The following NLN variants were observed in gnomAD, a reference collection of about 807,000 sequenced individuals.
NLN encodes the protein neurolysin, mitochondrial.
A neutral mutation model predicts 79.9 loss-of-function variants in NLN; 64 were observed. That is an observed-to-expected ratio of 0.80 (90% CI 0.65 to 0.99). The LOEUF is 0.99. Among genes scored for constraint, NLN ranks in the 50% least tolerant of loss-of-function variants. The pLI, the probability that NLN is intolerant of heterozygous loss-of-function variation, is 0.00. For missense variants in NLN, 835 were observed against 858.7 expected (o/e 0.97, Z 0.34); for synonymous variants, 267 against 296.6 (o/e 0.90, Z 1.02).
At chr5:65,725,101 G>A (rs1451978803) in intron 1 of NLN, among the ~76,000 whole-genome samples, 2 of 152,044 alleles carry the variant, frequency 1.3e-5, no homozygotes, top group Non-Finnish European at 1.5e-5. Context: ...CACTGCGCCC[G>A]GCAGAAGTGG....
Position 65,763,083 on chromosome 5 carries a change from T to C in NLN, c.425T>C (p.Ile142Thr), listed in dbSNP as rs2150748366. 3 of 1,613,614 alleles carry C rather than the reference T, an allele frequency of 1.9e-6. No individual in the cohort carries two copies. Among genetic ancestry groups the C allele is most frequent in the East Asian group, 2.2e-5 (1 of 44,848 alleles). The change falls in exon 3 of 13, where the codon ATA becomes ACA. Residue 142 changes from isoleucine (I) to threonine (T), a missense_variant. Physicochemically the swap from Ile to Thr is moderately conservative, Grantham distance 89. Coordinates refer to ENST00000380985, the MANE Select transcript of NLN (RefSeq NM_020726.5). ...ATTGAGATGAGCATGAGAGGAGATA[T>C]ATTTGAGAGAATTGTTCATTTACAG... Reference protein sequence around the residue: ...FDIEMSMRGDIFERIVHLQET... With the variant: ...FDIEMSMRGDTFERIVHLQET...
intron 9 of NLN, among the ~76,000 whole-genome samples, chr5:65,797,062 G>T (rs965486000): frequency 6.6e-6 from 1 of 152,196 alleles, no homozygotes; most frequent in Admixed American, 6.5e-5. Context: ...CTCGTATTAC[G>T]TTTACAGGGT....
At position 65,780,177 on chromosome 5, in the gene NLN, A is replaced by G. The variant is rs750473922; in HGVS notation, c.559-2A>G. 1.6e-6 allele frequency: 2 copies of G among 1,213,440 alleles called. No individual in the cohort carries two copies. Among genetic ancestry groups the G allele is most frequent in the Non-Finnish European group, 2.4e-6 (2 of 828,494 alleles). 75.2% of individuals were successfully genotyped at this position (1,213,440 alleles called of 1,614,324 possible). ...TGCCCTGTATTTTTATCTTCCTTTC[A>G]GGAAATCAAATCAATGAAGAAAAGA... On this transcript the variant is annotated splice_acceptor_variant, in intron 4 of 12. Coordinates refer to ENST00000380985, the MANE Select transcript of NLN (RefSeq NM_020726.5). LOFTEE classifies it high-confidence loss of function.
chr5:65,800,132 T>A (rs745960667), intron 9 of NLN, among the ~76,000 whole-genome samples: 13 of 152,232 alleles, frequency 8.5e-5, no homozygotes, highest in Non-Finnish European at 1.9e-4. Flanking sequence ...TGGGATTTGC[T>A]ATCATGGAAA....
At chr5:65,789,161 A>C (rs774284774) in intron 8 of NLN, among the ~76,000 whole-genome samples, 1 of 151,608 alleles carries the variant, frequency 6.6e-6, no homozygotes, top group Non-Finnish European at 1.5e-5. Context: ...AAAAGACTCT[A>C]CTCTTCCATA....
chr5:65,725,535 A>T (rs1178077142), intron 1 of NLN, among the ~76,000 whole-genome samples: 1 of 152,194 alleles, frequency 6.6e-6, no homozygotes, highest in Non-Finnish European at 1.5e-5. Flanking sequence ...ATGTTGACAT[A>T]TTTCATTATA....
intron 3 of NLN, among the ~76,000 whole-genome samples, chr5:65,776,711 G>A (rs1441876422): frequency 2.0e-5 from 3 of 152,190 alleles, no homozygotes; most frequent in Non-Finnish European, 4.4e-5. Flanking sequence ...GCTGTGGCTA[G>A]GGGAGTTTTC....
intron 9 of NLN, among the ~76,000 whole-genome samples, chr5:65,795,762 A>G (rs995959470): frequency 6.6e-6 from 1 of 152,226 alleles, no homozygotes; most frequent in African/African-American, 2.4e-5. Context: ...ACCTTCTATC[A>G]ATGTCCACAC....
At chr5:65,809,392 C>A in intron 9 of NLN, 123 bp from the exon 10 acceptor site, 1 of 749,356 alleles carries the variant, frequency 1.3e-6, no homozygotes, top group East Asian at 2.6e-5. Context: ...TTATTCTAAC[C>A]CCTCATTCAG....
In NLN at chr5:65,809,369, C is replaced by T. The variant is rs74659432; in HGVS notation, c.1528-146C>T. The T allele has an allele frequency of 6.5e-4, 406 of 626,290 alleles. 2 individuals carry two copies. In the African/African-American group the frequency reaches 6.9e-3, roughly 11 times the overall value. The allele number at this position is 626,290 out of a possible 1,614,324, so 38.8% of individuals were successfully genotyped here. A position where few individuals can be genotyped will look rare whatever the true frequency, so the allele number is the denominator to read the frequency against. ...GTTCAGCTGCTGTGTTTTATTTTCA[C>T]TTGACTATGAGGTTATTCTAACCCC... On this transcript the variant is annotated intron_variant, in intron 9 of 12. Coordinates refer to ENST00000380985, the MANE Select transcript of NLN (RefSeq NM_020726.5).
intron 7 of NLN, among the ~76,000 whole-genome samples, chr5:65,787,041 A>G (rs548099015): frequency 3.9e-5 from 6 of 152,294 alleles, no homozygotes; most frequent in African/African-American, 1.4e-4. Flanking sequence ...TGGTGATTGC[A>G]TACACTAAAA....
chr5:65,784,763 G>A (rs1309531771), intron 6 of NLN, among the ~76,000 whole-genome samples: 1 of 152,052 alleles, frequency 6.6e-6, no homozygotes, highest in Non-Finnish European at 1.5e-5. Flanking sequence ...GCCATCACCT[G>A]TATCCACCTG....
intron 9 of NLN, among the ~76,000 whole-genome samples, chr5:65,808,553 G>GT (rs1193378711): frequency 6.6e-6 from 1 of 152,188 alleles, no homozygotes; most frequent in Non-Finnish European, 1.5e-5. Flanking sequence ...CTGTGTGAAG[G>GT]TTAAAAAAAC....
intron 10 of NLN, 46 bp from the exon 11 acceptor site, chr5:65,809,991 A>C: frequency 6.3e-7 from 1 of 1,597,954 alleles, no homozygotes. Context: ...TAAAACACAC[A>C]GTTCTGTCTT....
intron 1 of NLN, among the ~76,000 whole-genome samples, chr5:65,729,388 T>G (rs1265753087): frequency 6.7e-6 from 1 of 148,388 alleles, no homozygotes; most frequent in African/African-American, 2.5e-5. Flanking sequence ...TTTTTTTTTT[T>G]TTTTAGGATG....
chr5:65,781,414 G>T lies in NLN; in HGVS notation c.815G>T (p.Cys272Phe). The T allele has an allele frequency of 1.3e-6, 2 of 1,596,822 alleles. No homozygotes were observed. Among genetic ancestry groups the T allele is most frequent in the East Asian group, 4.5e-5 (2 of 44,774 alleles). ...RRMEMAFNTR[C>F]KEENTIILQQ... ...ATGGAAATGGCTTTTAATACAAGGT[G>T]CAAAGAGGTATTATAAATGTTTGTC... The change falls in exon 6 of 13, where the codon TGC becomes TTC. Residue 272 changes from cysteine to phenylalanine, a missense_variant. By Grantham distance (205) the Cys-to-Phe change is radical (BLOSUM62 -2). Coordinates refer to ENST00000380985, the MANE Select transcript of NLN (RefSeq NM_020726.5).
chr5:65,772,733 C>T (rs1759594528), intron 3 of NLN, among the ~76,000 whole-genome samples: 4 of 147,858 alleles, frequency 2.7e-5, no homozygotes, highest in African/African-American at 2.5e-5. Context: ...GTTTGTTTTT[C>T]ATTTTTTTTT....
At chr5:65,724,823 A>T in intron 1 of NLN, among the ~76,000 whole-genome samples, 1 of 136,082 alleles carries the variant, frequency 7.3e-6, no homozygotes, top group Admixed American at 7.7e-5. Context: ...TTTTTTTGAG[A>T]CAGAGTCTCT....
At chr5:65,759,654 C>T (rs1370281026) in intron 2 of NLN, among the ~76,000 whole-genome samples, 1 of 152,064 alleles carries the variant, frequency 6.6e-6, no homozygotes, top group African/African-American at 2.4e-5. Flanking sequence ...GGAGGATTCT[C>T]CCTTGTTCAG....
Sources: gnomAD v4.1 joint callset for allele counts (sites outside exome capture counted in the v4.1 genomes callset) on GRCh38, gnomAD v4.1.1 for gene constraint, MANE v1.5 for transcripts, NCBI Gene and HGNC (gene_info 2026-07-23, HGNC 2026-07-21) for gene names.